Variants in OLAH observed in about 807,000 individuals in gnomAD.
The protein encoded by OLAH is S-acyl fatty acid synthase thioesterase, medium chain.
Under a neutral mutation model 27.8 loss-of-function variants are expected in OLAH, and 33 were observed. The ratio of observed to expected loss-of-function variants is 1.19; its 90% confidence interval spans 0.90 to 1.59. The LOEUF (loss-of-function observed/expected upper bound fraction) is 1.59. Among genes scored for constraint, OLAH ranks in the 40% most tolerant of loss-of-function variants. The pLI, the probability that OLAH is intolerant of heterozygous loss-of-function variation, is 0.00. For synonymous variants in OLAH, 120 were observed against 102.9 expected, an observed-to-expected ratio of 1.17 and a Z score of -1.01; for missense variants, 359 against 310.8, an observed-to-expected ratio of 1.16 and a Z score of -1.17.
chr10:15,042,974 G>T (rs61842414), upstream of OLAH, among the ~76,000 whole-genome samples: 1,242 of 147,110 alleles, frequency 8.4e-3, 11 homozygotes, highest in African/African-American at 0.027. Flanking sequence ...CATTCTCCTG[G>T]CTCAGCCTCC....
chr10:15,064,578 C>T, intron 5 of OLAH, 76 bp downstream of exon 5: 1 of 798,186 alleles, frequency 1.3e-6, no homozygotes, highest in Admixed American at 2.9e-5. Flanking sequence ...CATTATTTCT[C>T]TATCTGGTGA....
intron 4 of OLAH, among the ~76,000 whole-genome samples, chr10:15,062,926 T>C (rs1266991421): frequency 6.6e-6 from 1 of 151,784 alleles, no homozygotes; most frequent in Non-Finnish European, 1.5e-5. Context: ...TTTAATGGAG[T>C]TGGGGTTTCA....
chr10:15,062,369 A>G (rs991785306), intron 4 of OLAH, among the ~76,000 whole-genome samples: 1 of 152,148 alleles, frequency 6.6e-6, no homozygotes, highest in Non-Finnish European at 1.5e-5. Context: ...TTTGGCTATT[A>G]TATAAGATTT....
intron 3 of OLAH, among the ~76,000 whole-genome samples, chr10:15,053,311 T>G (rs140346136): frequency 6.6e-6 from 1 of 152,070 alleles, no homozygotes; most frequent in Non-Finnish European, 1.5e-5. Flanking sequence ...AGTCCCCCAA[T>G]AGCTACAACA....
chr10:15,054,014 G>A (rs1844196990), intron 3 of OLAH, among the ~76,000 whole-genome samples: 2 of 150,366 alleles, frequency 1.3e-5, no homozygotes, highest in African/African-American at 4.9e-5. Context: ...ATAGGCGTGA[G>A]CCACAGTGCT....
chr10:15,035,082 T>C (rs1179347159), intron 1 of OLAH, among the ~76,000 whole-genome samples: 1 of 151,914 alleles, frequency 6.6e-6, no homozygotes, highest in Non-Finnish European at 1.5e-5. Context: ...TTACAGGCGC[T>C]GAGAGTTAAA....
At chr10:15,056,841 G>T (rs1281096612) in intron 3 of OLAH, 2 of 1,502,174 alleles carry the variant, frequency 1.3e-6, no homozygotes, top group African/African-American at 1.4e-5. Flanking sequence ...ATCTCACCAT[G>T]TTGCCAAGGC....
intron 3 of OLAH, among the ~76,000 whole-genome samples, chr10:15,052,863 C>T (rs1016429626): frequency 6.6e-6 from 1 of 151,572 alleles, no homozygotes; most frequent in Non-Finnish European, 1.5e-5. Context: ...CTGCCTCAGC[C>T]TCCTGAGTAG....
chr10:15,073,181 G>A lies in OLAH; in HGVS notation c.750G>A (p.Lys250=). The change falls in exon 8 of 8, where the codon AAG becomes AAA. Residue 250 remains lysine (K), a synonymous_variant. Transcript: ENST00000378228. ...LLDPANEKLI[K]NYIIKCLEVS... is the part of the protein sequence containing the mutation. ...ATCCTGCGAACGAGAAATTAATCAA[G>A]AACTACATAATCAAGTGTCTAGAAG... 6.2e-7 allele frequency: 1 copy of A among 1,609,110 alleles called. No individual in the cohort carries two copies. Among genetic ancestry groups the A allele is most frequent in the Non-Finnish European group, 8.5e-7 (1 of 1,175,654 alleles).
chr10:15,059,583 A>C (rs926841518), intron 3 of OLAH, among the ~76,000 whole-genome samples: 2 of 152,148 alleles, frequency 1.3e-5, no homozygotes, highest in Admixed American at 6.5e-5. Context: ...GGGTGGGCAG[A>C]TCACTTGAGG....
At chr10:15,064,831 A>G (rs1323864871) in intron 5 of OLAH, among the ~76,000 whole-genome samples, 1 of 152,024 alleles carries the variant, frequency 6.6e-6, no homozygotes, top group African/African-American at 2.4e-5. Context: ...CTAATTTTGT[A>G]TTTTTAGTAG....
chr10:15,038,007 G>A (rs1843867890), intron 1 of OLAH, among the ~76,000 whole-genome samples: 1 of 152,230 alleles, frequency 6.6e-6, no homozygotes, highest in Admixed American at 6.5e-5. Context: ...TGGGGTTGGA[G>A]GCTGCCCAAC....
intron 1 of OLAH, among the ~76,000 whole-genome samples, chr10:15,035,339 A>G (rs1843825615): frequency 6.6e-6 from 1 of 152,158 alleles, no homozygotes; most frequent in Non-Finnish European, 1.5e-5. Flanking sequence ...AATTTATGAG[A>G]AAAGAGACTT....
chr10:15,047,416 C>A, intron 2 of OLAH, 96 bp downstream of exon 2: 2 of 1,225,792 alleles, frequency 1.6e-6, no homozygotes, highest in South Asian at 1.3e-5. Context: ...AAAGAGGTTT[C>A]TCAGCCAGGT....
At chr10:15,065,877 C>T (rs1396374633) in intron 6 of OLAH, 124 bp downstream of exon 6, 2 of 797,414 alleles carry the variant, frequency 2.5e-6, no homozygotes, top group Non-Finnish European at 4.0e-6. Context: ...GTTTCATTTC[C>T]TTTGGGGCCA....
intron 6 of OLAH, among the ~76,000 whole-genome samples, chr10:15,068,772 T>C (rs1187209084): frequency 6.6e-6 from 1 of 152,142 alleles, no homozygotes; most frequent in African/African-American, 2.4e-5. Context: ...ACACCTGAAT[T>C]TGAACACGTC....
chr10:15,056,985 AG>A, intron 3 of OLAH: 1 of 1,414,566 alleles, frequency 7.1e-7, no homozygotes, highest in Non-Finnish European at 9.3e-7. Flanking sequence ...TTTTTTTAGT[AG>A]GTTTTTTGTG....
upstream of OLAH, among the ~76,000 whole-genome samples, chr10:15,040,222 A>G (rs55764825): frequency 0.039 from 5,942 of 151,934 alleles, 169 homozygotes; most frequent in African/African-American, 0.075. Flanking sequence ...TTTATGGGGC[A>G]CCCTCAATTC....
At chr10:15,054,198 G>A (rs774356427) in intron 3 of OLAH, among the ~76,000 whole-genome samples, 3 of 151,952 alleles carry the variant, frequency 2.0e-5, no homozygotes, top group Non-Finnish European at 4.4e-5. Flanking sequence ...CTGCCACCAT[G>A]CCCAGTTGAT....
Sources: gnomAD v4.1 joint callset for allele counts (sites outside exome capture counted in the v4.1 genomes callset) on GRCh38, gnomAD v4.1.1 for gene constraint, MANE v1.5 for transcripts, NCBI Gene and HGNC (gene_info 2026-07-23, HGNC 2026-07-21) for gene names.